Variants in TRMT10B observed in about 807,000 individuals in gnomAD.
TRMT10B encodes the protein tRNA methyltransferase 10 homolog B.
TRMT10B carries 33 observed loss-of-function variants against 43.8 expected under a neutral mutation model. The observed-to-expected ratio is 0.75, with a 90% confidence interval of 0.57 to 1.01. The LOEUF (loss-of-function observed/expected upper bound fraction) is 1.01. Ranked by LOEUF, TRMT10B falls within the 50% of genes least tolerant of loss-of-function variation. TRMT10B has a pLI of 0.00. For missense variants in TRMT10B, 362 were observed against 369.8 expected (o/e 0.98, Z 0.17); for synonymous variants, 137 against 130.6 (o/e 1.05, Z -0.34).
At chr9:37,777,480 C>G (rs772093404) in intron 8 of TRMT10B, 121 bp from the exon 9 acceptor site, 19 of 789,592 alleles carry the variant, frequency 2.4e-5, no homozygotes, top group Non-Finnish European at 3.7e-5. Context: ...CCCGCAAGAC[C>G]TTAGTACCAC....
Position 37,768,082 on chromosome 9 carries a change from A to G in TRMT10B, c.427A>G (p.Ser143Gly). The G allele has an allele frequency of 6.2e-7, 1 of 1,613,840 alleles. No individual in the cohort carries two copies. The highest frequency in any genetic ancestry group is 8.5e-7 in the Non-Finnish European group (1 of 1,179,920). Residue 143 changes from serine to glycine, a missense_variant, in exon 5 of 9, where the codon AGT becomes GGT. By Grantham distance (56) the Ser-to-Gly change is moderately conservative (BLOSUM62 0). Coordinates refer to ENST00000297994, the MANE Select transcript of TRMT10B (RefSeq NM_144964.4). Reference sequence around the variant, plus strand: ...TGTTCTTATTTCTTTGAAGGAATTAAGTAGACTGGCTGGACAGATTCGAAG... The same window carrying G: ...TGTTCTTATTTCTTTGAAGGAATTAGGTAGACTGGCTGGACAGATTCGAAG... ...MTHYMSKKEL[S>G]RLAGQIRRLY...
At chr9:37,776,462 A>C in intron 8 of TRMT10B, 57 bp downstream of exon 8, 2 of 1,551,958 alleles carry the variant, frequency 1.3e-6, no homozygotes, top group Non-Finnish European at 1.7e-6. Context: ...GCTGCTTTGC[A>C]CTGTGTTTAA....
chr9:37,753,045 A>AGGCCCGT (rs201847614), upstream of TRMT10B, among the ~76,000 whole-genome samples: 451 of 152,044 alleles, frequency 3.0e-3, 2 homozygotes, highest in Admixed American at 0.024. Context: ...CTCTTTCTTG[A>AGGCCCGT]GGCCCGTGTG....
At chr9:37,760,212 C>G (rs573771691) in intron 1 of TRMT10B, among the ~76,000 whole-genome samples, 1 of 152,302 alleles carries the variant, frequency 6.6e-6, no homozygotes, top group Admixed American at 6.5e-5. Context: ...AATCCCACTA[C>G]TGGGGAGGCT....
intron 1 of TRMT10B, among the ~76,000 whole-genome samples, chr9:37,761,199 A>G (rs553839613): frequency 7.9e-5 from 12 of 152,368 alleles, no homozygotes; most frequent in Admixed American, 5.2e-4. Context: ...TAGGTATTCA[A>G]TAAATATTTG....
chr9:37,756,725 G>GATATATATAT (rs140692484), intron 1 of TRMT10B, among the ~76,000 whole-genome samples: 8 of 147,112 alleles, frequency 5.4e-5, no homozygotes, highest in African/African-American at 1.8e-4. Flanking sequence ...ATCTCAAAAA[G>GATATATATAT]ATATATATAT....
intron 1 of TRMT10B, among the ~76,000 whole-genome samples, chr9:37,758,663 A>G (rs1187788223): frequency 6.6e-6 from 1 of 152,210 alleles, no homozygotes; most frequent in East Asian, 1.9e-4. Context: ...TATTCTTAAA[A>G]GTAATAGACT....
At chr9:37,772,624 C>G (rs1194914099) in intron 7 of TRMT10B, among the ~76,000 whole-genome samples, 1 of 152,032 alleles carries the variant, frequency 6.6e-6, no homozygotes. Context: ...ACAGACAAAT[C>G]AGAATGTGGG....
rs773337862 is a variant in TRMT10B at position 37,768,117 on chromosome 9, T to G, written c.462T>G (p.Gly154=). The G allele has an allele frequency of 6.2e-7, 1 of 1,614,108 alleles. No individual in the cohort carries two copies. The highest frequency in any genetic ancestry group is 8.5e-7 in the Non-Finnish European group (1 of 1,179,996). The change falls in exon 5 of 9, where the codon GGT becomes GGG. Residue 154 remains glycine, a synonymous_variant. Coordinates refer to ENST00000297994, the MANE Select transcript of TRMT10B (RefSeq NM_144964.4). ...CTGGACAGATTCGAAGGTTGTATGGTTCAAACAAAAAAGCTGACAGGCCAT... is the reference window on the plus strand; with the variant it reads ...CTGGACAGATTCGAAGGTTGTATGGGTCAAACAAAAAAGCTGACAGGCCAT... ...RLAGQIRRLY[G]SNKKADRPFW...
At position 37,777,667 on chromosome 9, in the gene TRMT10B, C is replaced by A. The variant is rs775712506; in HGVS notation, c.911C>A (p.Ser304Tyr). The A allele has an allele frequency of 7.4e-6, 12 of 1,613,966 alleles. 1 individual carries two copies. Among genetic ancestry groups the A allele is most frequent in the Middle Eastern group, 3.3e-4 (2 of 6,062 alleles). ...NWPEALKKGV[S>Y]SGKGYILRNS... Reference sequence around the variant, plus strand: ...CCTGAAGCATTGAAGAAAGGAGTTTCTTCAGGAAAAGGCTATATTCTTCGG... The same window carrying A: ...CCTGAAGCATTGAAGAAAGGAGTTTATTCAGGAAAAGGCTATATTCTTCGG... The change falls in exon 9 of 9, where the codon TCT becomes TAT. Residue 304 changes from serine (S) to tyrosine (Y), a missense_variant. Transcript: ENST00000297994.
chr9:37,753,196 C>T (rs1173925170), upstream of TRMT10B, among the ~76,000 whole-genome samples: 1 of 152,226 alleles, frequency 6.6e-6, no homozygotes, highest in Non-Finnish European at 1.5e-5. Flanking sequence ...TCCAGACACG[C>T]AGTCTTTAAG....
chr9:37,772,600 T>G (rs1454463027), intron 7 of TRMT10B, among the ~76,000 whole-genome samples: 1 of 152,166 alleles, frequency 6.6e-6, no homozygotes, highest in East Asian at 1.9e-4. Context: ...TAAGCTGAAT[T>G]TAATTGTGAG....
chr9:37,756,741 T>C lies in TRMT10B; in HGVS notation c.-30+2889T>C, dbSNP rs2381725. ...TCTCAAAAAGATATATATATATATATACACACACACACATATATATATACA... is the reference window on the plus strand; with the variant it reads ...TCTCAAAAAGATATATATATATATACACACACACACACATATATATATACA... On this transcript the variant is annotated intron_variant, in intron 1 of 8. Transcript: ENST00000297994. Among the ~76,000 whole-genome samples, 1,412 of 149,848 alleles carry C rather than the reference T, an allele frequency of 9.4e-3. 8 individuals carry two copies. Among genetic ancestry groups the C allele is most frequent in the Non-Finnish European group, 0.015 (994 of 67,510 alleles).
intron 5 of TRMT10B, 66 bp downstream of exon 5, chr9:37,768,294 T>A: frequency 6.1e-6 from 9 of 1,485,304 alleles, no homozygotes; most frequent in Non-Finnish European, 8.2e-6. Context: ...ATAGTATTTT[T>A]TTTTTACTTT....
intron 6 of TRMT10B, 83 bp from the exon 7 acceptor site, chr9:37,770,589 T>C: frequency 8.0e-7 from 1 of 1,248,692 alleles, no homozygotes; most frequent in South Asian, 1.3e-5. Flanking sequence ...ACTTTTATTG[T>C]TAATAATTCT....
At chr9:37,777,056 T>A (rs941375015) in intron 8 of TRMT10B, among the ~76,000 whole-genome samples, 8 of 150,636 alleles carry the variant, frequency 5.3e-5, no homozygotes, top group Non-Finnish European at 1.0e-4. Context: ...TAGCAGGGCA[T>A]AGTGGCAGGC....
At chr9:37,762,252 C>A in intron 2 of TRMT10B, 135 bp downstream of exon 2, 3 of 1,104,958 alleles carry the variant, frequency 2.7e-6, no homozygotes, top group Non-Finnish European at 3.7e-6. Context: ...GAATTTTCTG[C>A]TAACTGGTTT....
chr9:37,756,914 C>T (rs565533268), intron 1 of TRMT10B, among the ~76,000 whole-genome samples: 1 of 151,948 alleles, frequency 6.6e-6, no homozygotes, highest in South Asian at 2.1e-4. Context: ...GCTCACATCT[C>T]TACCCAGTGA....
Position 37,770,698 on chromosome 9 carries a change from G to A in TRMT10B, c.679G>A (p.Val227Ile), listed in dbSNP as rs1589037780. 6.2e-7 allele frequency: 1 copy of A among 1,613,948 alleles called. No individual in the cohort carries two copies. Among genetic ancestry groups the A allele is most frequent in the Non-Finnish European group, 8.5e-7 (1 of 1,180,020 alleles). ...TCTTGAAGATGTTGATCTAAACAAAGTTTACATCCTCGGTGGGCTTGTGGA... is the reference window on the plus strand; with the variant it reads ...TCTTGAAGATGTTGATCTAAACAAAATTTACATCCTCGGTGGGCTTGTGGA... ...HALEDVDLNKVYILGGLVDES... is the reference protein window; with the variant it reads ...HALEDVDLNKIYILGGLVDES... Residue 227 changes from valine (V) to isoleucine (I), a missense_variant, in exon 7 of 9, where the codon GTT (valine) becomes ATT (isoleucine). Physicochemically the swap from Val to Ile is conservative, Grantham distance 29. Coordinates refer to ENST00000297994, the MANE Select transcript of TRMT10B (RefSeq NM_144964.4).
Sources: gnomAD v4.1 joint callset for allele counts (sites outside exome capture counted in the v4.1 genomes callset) on GRCh38, gnomAD v4.1.1 for gene constraint, MANE v1.5 for transcripts, NCBI Gene and HGNC (gene_info 2026-07-23, HGNC 2026-07-21) for gene names.